ZFYVE16: variants seen among roughly 807,000 people sequenced by gnomAD.
The protein encoded by ZFYVE16 is zinc finger FYVE domain-containing protein 16.
Under a neutral mutation model 138.1 loss-of-function variants are expected in ZFYVE16, and 89 were observed. That is an observed-to-expected ratio of 0.64 (90% CI 0.54 to 0.77). The LOEUF is 0.77. Ranked by LOEUF, ZFYVE16 falls within the 30% of genes least tolerant of loss-of-function variation. The probability of loss-of-function intolerance (pLI) is 0.00; values close to 1 mark genes in which losing one functional copy is unlikely to be tolerated. For synonymous variants in ZFYVE16, 596 were observed against 618.3 expected, an observed-to-expected ratio of 0.96 and a Z score of 0.53; for missense variants, 1,793 against 1,786.7, an observed-to-expected ratio of 1.00 and a Z score of -0.06.
chr5:80,420,770 CTT>C (rs1747031925), intron 1 of ZFYVE16, among the ~76,000 whole-genome samples: 1 of 152,182 alleles, frequency 6.6e-6, no homozygotes, highest in Admixed American at 6.6e-5. Context: ...GTGCATGTGT[CTT>C]TATAGCAGCA....
intron 10 of ZFYVE16, among the ~76,000 whole-genome samples, 168 bp downstream of exon 10, chr5:80,450,754 A>T (rs1182188401): frequency 6.6e-6 from 1 of 150,936 alleles, no homozygotes; most frequent in Non-Finnish European, 1.5e-5. Flanking sequence ...CTAGCATTTT[A>T]TGTGATTAGT....
At chr5:80,460,001 A>G (rs930660976) in intron 15 of ZFYVE16, among the ~76,000 whole-genome samples, 1 of 152,142 alleles carries the variant, frequency 6.6e-6, no homozygotes, top group Non-Finnish European at 1.5e-5. Context: ...TTTCTGTAAA[A>G]TATATATGCA....
intron 1 of ZFYVE16, among the ~76,000 whole-genome samples, chr5:80,414,027 T>C (rs1745845771): frequency 6.6e-6 from 1 of 152,264 alleles, no homozygotes; most frequent in African/African-American, 2.4e-5. Flanking sequence ...ATTTTAACTA[T>C]GTAAATATTG....
Position 80,459,425 on chromosome 5 carries a change from A to G in ZFYVE16, c.3955A>G (p.Ser1319Gly), listed in dbSNP as rs1352429417. Residue 1319 changes from serine to glycine, a missense_variant, in exon 15 of 19, where the codon AGT (serine) becomes GGT (glycine). Coordinates refer to ENST00000505560, the MANE Select transcript of ZFYVE16 (RefSeq NM_001284236.3). ...TGHPRKVTGA[S>G]FVVFNGALKT... ...TATTTCTTGATCAGTGACAGGTGCA[A>G]GTTTTGTGGTATTCAATGGAGCTCT... is the stretch of plus-strand genomic sequence containing the variant. The G allele has an allele frequency of 1.9e-6, 3 of 1,612,560 alleles. No individual in the cohort carries two copies. The African/African-American group carries it at 4.0e-5, about 22-fold the overall frequency.
chr5:80,445,388 T>C lies in ZFYVE16; in HGVS notation c.2707T>C (p.Ser903Pro), dbSNP rs1177351510. The C allele has an allele frequency of 6.2e-7, 1 of 1,613,138 alleles. No individual in the cohort carries two copies. Among genetic ancestry groups the C allele is most frequent in the Non-Finnish European group, 8.5e-7 (1 of 1,179,748 alleles). The change falls in exon 7 of 19, where the codon TCA (serine) becomes CCA (proline). Residue 903 changes from serine to proline, a missense_variant. This residue lies in a region of ZFYVE16 where 1,295 missense variants were observed against 1,204.3 expected (regional missense o/e 1.08). Coordinates refer to ENST00000505560, the MANE Select transcript of ZFYVE16 (RefSeq NM_001284236.3). ...ATGTTCTGAAGACTTTAGTCCTCTC[T>C]CACCTGATGTGCCTATGGTAAGGAA... ...KRCSEDFSPL[S>P]PDVPMTVNTV...
At chr5:80,425,923 C>T (rs934696158) in intron 1 of ZFYVE16, among the ~76,000 whole-genome samples, 2 of 151,966 alleles carry the variant, frequency 1.3e-5, no homozygotes, top group South Asian at 2.1e-4. Context: ...TTATTGCATT[C>T]GGGATTATGA....
In ZFYVE16 at chr5:80,446,489, T is replaced by C. The variant is rs373200673; in HGVS notation, c.2724+1084T>C. Among the ~76,000 whole-genome samples, 28 of 152,294 alleles carry C rather than the reference T, an allele frequency of 1.8e-4. No homozygotes were observed. The East Asian group carries it at 3.1e-3, about 17-fold the overall frequency. On this transcript the variant is annotated intron_variant, in intron 7 of 18. Transcript: ENST00000505560. ...TTTACATTTTTGCCAATTTCTTTAA[T>C]GTCTGGCTTAATAGAAGACAAACAT... is the stretch of plus-strand genomic sequence containing the variant.
Position 80,450,505 on chromosome 5 carries a change from T to C in ZFYVE16, c.3301T>C (p.Leu1101=). The change falls in exon 10 of 19, where the codon TTG becomes CTG. Residue 1101 remains leucine (L), a synonymous_variant. Coordinates refer to ENST00000505560, the MANE Select transcript of ZFYVE16 (RefSeq NM_001284236.3). ...GLGQAEIIIL[L]LCLPNEDTIP... is the part of the protein sequence containing the mutation. ...GGGACAGGCAGAAATTATTATTCTA[T>C]TGTTATGTTTGCCAAATGAAGATAC... is the stretch of plus-strand genomic sequence containing the variant. The C allele has an allele frequency of 6.2e-7, 1 of 1,613,586 alleles. No homozygotes were observed. The highest frequency in any genetic ancestry group is 1.1e-5 in the South Asian group (1 of 91,070).
intron 10 of ZFYVE16, among the ~76,000 whole-genome samples, chr5:80,451,047 A>G (rs1034589033): frequency 6.6e-6 from 1 of 152,084 alleles, no homozygotes; most frequent in African/African-American, 2.4e-5. Context: ...TCTGACCTCA[A>G]GTGATCCGCC....
At chr5:80,447,692 T>C (rs940508713) in intron 7 of ZFYVE16, among the ~76,000 whole-genome samples, 3 of 152,166 alleles carry the variant, frequency 2.0e-5, no homozygotes, top group Admixed American at 2.0e-4. Flanking sequence ...GGGAGAGACT[T>C]GGATTGAACT....
In ZFYVE16 at chr5:80,420,929, T is replaced by C. The variant is rs1041572850; in HGVS notation, c.-93-6563T>C. 6.3e-3 allele frequency among the ~76,000 whole-genome samples: 953 copies of C among 152,258 alleles called. 10 individuals are homozygous for C. The highest frequency in any genetic ancestry group is 0.021 in the African/African-American group (875 of 41,560). On this transcript the variant is annotated intron_variant, in intron 1 of 18. Coordinates refer to ENST00000505560, the MANE Select transcript of ZFYVE16 (RefSeq NM_001284236.3). Reference sequence around the variant, plus strand: ...TCCCACCAACAGTGTAAAAGTGTTCTTGTTTCTCCACATCCTCTCCAGCAC... The same window carrying C: ...TCCCACCAACAGTGTAAAAGTGTTCCTGTTTCTCCACATCCTCTCCAGCAC...
At chr5:80,424,761 C>T (rs1314299039) in intron 1 of ZFYVE16, among the ~76,000 whole-genome samples, 2 of 152,176 alleles carry the variant, frequency 1.3e-5, no homozygotes, top group Non-Finnish European at 2.9e-5. Flanking sequence ...CACGCCTGGC[C>T]TCTGAATTCC....
chr5:80,413,011 C>CA (rs1745671305), intron 1 of ZFYVE16, among the ~76,000 whole-genome samples: 1 of 151,414 alleles, frequency 6.6e-6, no homozygotes, highest in Non-Finnish European at 1.5e-5. Flanking sequence ...CTTGTCTCCA[C>CA]AAAAAATAAA....
At chr5:80,468,858 T>G (rs1261732849) in intron 15 of ZFYVE16, among the ~76,000 whole-genome samples, 1 of 152,134 alleles carries the variant, frequency 6.6e-6, no homozygotes, top group East Asian at 1.9e-4. Context: ...ATAGTGTAAT[T>G]TTGCTTTTTT....
chr5:80,464,736 G>A (rs991584372), intron 15 of ZFYVE16, among the ~76,000 whole-genome samples: 3 of 151,734 alleles, frequency 2.0e-5, no homozygotes, highest in Admixed American at 6.6e-5. Context: ...TTGTTTCTCT[G>A]TTCCTTCCCT....
rs578091044 is a variant in ZFYVE16 at position 80,456,338 on chromosome 5, A to G, written c.3691-123A>G. On this transcript the variant is annotated intron_variant, in intron 12 of 18. Transcript: ENST00000505560. ...CTAGAAAGTTACCCTAAATACTACA[A>G]AGTTTTTCCTGAGAATGATATTCTT... 41 of 750,062 alleles carry G rather than the reference A, an allele frequency of 5.5e-5. No individual in the cohort carries two copies. In the East Asian group the frequency reaches 1.2e-3, roughly 22 times the overall value. The allele number at this position is 750,062 out of a possible 1,614,324, so 46.5% of individuals were successfully genotyped here. A position where few individuals can be genotyped will look rare whatever the true frequency, so the allele number is the denominator to read the frequency against.
chr5:80,459,588 G>A, intron 15 of ZFYVE16, 94 bp downstream of exon 15: 1 of 1,097,354 alleles, frequency 9.1e-7, no homozygotes, highest in Non-Finnish European at 1.3e-6. Context: ...ACATATGTAA[G>A]TTATAAAGCA....
Position 80,473,768 on chromosome 5 carries a change from T to G in ZFYVE16, c.4202T>G (p.Val1401Gly). 1 of 1,611,088 alleles carries G rather than the reference T, an allele frequency of 6.2e-7. No individual in the cohort carries two copies. Among genetic ancestry groups the G allele is most frequent in the Non-Finnish European group, 8.5e-7 (1 of 1,177,936 alleles). ...TTATTTCATAGAGTTATCAGTTCAG[T>G]GGATGGAATATCATTACAAGGATTT... Reference protein sequence around the residue: ...EKGNKGVISSVDGISLQGFPS... With the variant: ...EKGNKGVISSGDGISLQGFPS... Residue 1401 changes from valine (V) to glycine (G), a missense_variant, in exon 17 of 19, where the codon GTG becomes GGG. Val to Gly is a moderately radical substitution (Grantham distance 109). Around this residue, in one of 2 missense-constraint regions of ZFYVE16, gnomAD observed 498 missense variants for 582.4 expected, o/e 0.86. Coordinates refer to ENST00000505560, the MANE Select transcript of ZFYVE16 (RefSeq NM_001284236.3).
intron 14 of ZFYVE16, among the ~76,000 whole-genome samples, chr5:80,457,558 A>G (rs1446784692): frequency 6.6e-6 from 1 of 152,200 alleles, no homozygotes; most frequent in Non-Finnish European, 1.5e-5. Context: ...AAACCCTTGC[A>G]GTAGAAGGCC....
Sources: gnomAD v4.1 joint callset for allele counts (sites outside exome capture counted in the v4.1 genomes callset) on GRCh38, gnomAD v4.1.1 for gene constraint, gnomAD v4.1.1 regional missense constraint, MANE v1.5 for transcripts, NCBI Gene and HGNC (gene_info 2026-07-23, HGNC 2026-07-21) for gene names.